The following CTNNA3 variants were observed in gnomAD, a reference collection of about 807,000 sequenced individuals.
The protein encoded by CTNNA3 is catenin alpha 3, also known as catenin alpha-3.
CTNNA3 carries 76 observed loss-of-function variants against 95.7 expected under a neutral mutation model. That is an observed-to-expected ratio of 0.79 (90% CI 0.66 to 0.96). The LOEUF is 0.96. CTNNA3 is among the 40% of genes least tolerant of loss of function. The pLI is 0.00. For synonymous variants in CTNNA3, 431 were observed against 374.4 expected (o/e 1.15, Z -1.74); for missense variants, 1,191 against 1,089.8 (o/e 1.09, Z -1.31).
At chr10:66,683,091 C>G (rs1248010374) in intron 9 of CTNNA3, among the ~76,000 whole-genome samples, 1 of 152,148 alleles carries the variant, frequency 6.6e-6, no homozygotes, top group Non-Finnish European at 1.5e-5. Flanking sequence ...AGCTTGGATA[C>G]TGGCCTGCCT....
chr10:67,588,268 T>C (rs1441230352), intron 3 of CTNNA3, among the ~76,000 whole-genome samples: 4 of 150,260 alleles, frequency 2.7e-5, no homozygotes, highest in African/African-American at 9.9e-5. Context: ...TGTGTTCCTT[T>C]AGGTTTAGGT....
chr10:67,420,577 AAC>A (rs1218909688), intron 5 of CTNNA3, among the ~76,000 whole-genome samples: 2 of 152,208 alleles, frequency 1.3e-5, no homozygotes, highest in African/African-American at 4.8e-5. Flanking sequence ...TAATACATGT[AAC>A]ACACTTACGG....
intron 7 of CTNNA3, among the ~76,000 whole-genome samples, chr10:66,993,421 AAAAAGTACCTG>A (rs1207518348): frequency 6.6e-6 from 1 of 152,182 alleles, no homozygotes; most frequent in Non-Finnish European, 1.5e-5. Flanking sequence ...TCACTTTGCT[AAAAAGTACCTG>A]GGAAGGAAAA....
chr10:66,136,067 A>G (rs2083329129), intron 13 of CTNNA3, among the ~76,000 whole-genome samples: 2 of 152,066 alleles, frequency 1.3e-5, no homozygotes, highest in South Asian at 2.1e-4. Flanking sequence ...ACGCCTGGCT[A>G]ATTTTTTGTA....
chr10:66,540,083 A>G (rs1218180982), intron 10 of CTNNA3, among the ~76,000 whole-genome samples: 2 of 152,092 alleles, frequency 1.3e-5, no homozygotes, highest in Non-Finnish European at 1.5e-5. Context: ...TAACAATAAT[A>G]AGAAGAGGTA....
chr10:66,412,456 ATTTTTTTTTTTTT>A (rs750175517), intron 11 of CTNNA3, among the ~76,000 whole-genome samples: 1 of 126,198 alleles, frequency 7.9e-6, no homozygotes, highest in African/African-American at 3.0e-5. Context: ...GCCAAATACT[ATTTTTTTTTTTTT>A]TTTTTTTTTG....
intron 7 of CTNNA3, among the ~76,000 whole-genome samples, chr10:67,097,100 T>C (rs944870134): frequency 6.6e-6 from 1 of 151,958 alleles, no homozygotes; most frequent in African/African-American, 2.4e-5. Context: ...CCAGACCTAC[T>C]GGATGAAAAA....
chr10:65,955,647 A>G (rs2077713668), intron 17 of CTNNA3, among the ~76,000 whole-genome samples: 1 of 152,132 alleles, frequency 6.6e-6, no homozygotes, highest in Non-Finnish European at 1.5e-5. Context: ...TGAGACAATC[A>G]TGTAGTTTTT....
At chr10:67,409,163 G>A (rs1845269519) in intron 5 of CTNNA3, among the ~76,000 whole-genome samples, 1 of 152,126 alleles carries the variant, frequency 6.6e-6, no homozygotes, top group Non-Finnish European at 1.5e-5. Context: ...TAACCATTGT[G>A]GAAGACAGTG....
chr10:66,937,514 C>G (rs1323219871), intron 7 of CTNNA3, among the ~76,000 whole-genome samples: 2 of 152,064 alleles, frequency 1.3e-5, no homozygotes, highest in Non-Finnish European at 2.9e-5. Context: ...ATTACACTAC[C>G]TATTTTTATT....
At chr10:67,316,033 T>C (rs1841037392) in intron 5 of CTNNA3, among the ~76,000 whole-genome samples, 1 of 152,202 alleles carries the variant, frequency 6.6e-6, no homozygotes, top group Admixed American at 6.5e-5. Context: ...TTATTCTTTT[T>C]GAATAGTGAT....
intron 7 of CTNNA3, among the ~76,000 whole-genome samples, chr10:67,039,253 G>C (rs757980224): frequency 2.6e-5 from 4 of 152,072 alleles, no homozygotes; most frequent in Non-Finnish European, 5.9e-5. Context: ...CAGATGTATA[G>C]AACTGTAGCA....
rs1215303834 is a variant in CTNNA3, at chr10:67,399,863, C to G, written c.579+121979G>C. 2.6e-5 allele frequency among the ~76,000 whole-genome samples: 4 copies of G among 152,266 alleles called. No homozygotes were observed. The East Asian group carries it at 7.7e-4, about 29-fold the overall frequency. Reference sequence around the variant, plus strand: ...TAGATCAAGTACACATTCATGAATTCTGCATCTACTACATAGTCAGAAAAG... The same window carrying G: ...TAGATCAAGTACACATTCATGAATTGTGCATCTACTACATAGTCAGAAAAG... On this transcript the variant is annotated intron_variant, in intron 5 of 17. Coordinates refer to ENST00000433211, the MANE Select transcript of CTNNA3 (RefSeq NM_013266.4).
chr10:66,772,249 C>A (rs1248936257), intron 8 of CTNNA3, among the ~76,000 whole-genome samples: 2 of 151,920 alleles, frequency 1.3e-5, no homozygotes, highest in East Asian at 3.9e-4. Context: ...CATGGTGAAA[C>A]CCTGTCTCTA....
At chr10:67,317,794 T>C (rs1841122883) in intron 5 of CTNNA3, among the ~76,000 whole-genome samples, 1 of 152,180 alleles carries the variant, frequency 6.6e-6, no homozygotes, top group African/African-American at 2.4e-5. Context: ...TTTGGCCATG[T>C]TTCACCCTTT....
At chr10:66,769,820 TA>T (rs1444103763) in intron 8 of CTNNA3, among the ~76,000 whole-genome samples, 1 of 152,198 alleles carries the variant, frequency 6.6e-6, no homozygotes, top group African/African-American at 2.4e-5. Context: ...TCTCATTGCC[TA>T]CAGCAGCAAT....
chr10:66,198,909 A>G (rs908100276), intron 13 of CTNNA3, among the ~76,000 whole-genome samples: 1 of 152,220 alleles, frequency 6.6e-6, no homozygotes, highest in Non-Finnish European at 1.5e-5. Context: ...TTTTGAAGAA[A>G]TATGTTTTCA....
In CTNNA3 at chr10:66,822,515, C is replaced by G. The variant is rs1467989696; in HGVS notation, c.1048-46991G>C. Among the ~76,000 whole-genome samples, 9 of 152,172 alleles carry G rather than the reference C, an allele frequency of 5.9e-5. No homozygotes were observed. In the East Asian group the frequency reaches 1.7e-3, roughly 29 times the overall value. On this transcript the variant is annotated intron_variant, in intron 7 of 17. Coordinates refer to ENST00000433211, the MANE Select transcript of CTNNA3 (RefSeq NM_013266.4). ...CAATTAATGAAGCACACCCATTCTCCTATACATATTATCAGCTTTCTAAAA... is the reference window on the plus strand; with the variant it reads ...CAATTAATGAAGCACACCCATTCTCGTATACATATTATCAGCTTTCTAAAA...
chr10:67,383,436 A>G (rs898109508), intron 5 of CTNNA3, among the ~76,000 whole-genome samples: 1 of 152,208 alleles, frequency 6.6e-6, no homozygotes, highest in Non-Finnish European at 1.5e-5. Context: ...AGATTAGAAT[A>G]TACCAGTAAG....
Sources: allele counts gnomAD v4.1 joint callset (sites outside exome capture counted in the v4.1 genomes callset), GRCh38; gene constraint gnomAD v4.1.1; transcripts MANE v1.5; gene names NCBI Gene and HGNC (gene_info 2026-07-23, HGNC 2026-07-21).